Variants in NLRP7 observed in about 807,000 individuals in gnomAD.
NLRP7 encodes the protein NLR family pyrin domain containing 7, also known as NACHT, LRR and PYD domains-containing protein 7.
NLRP7 carries 72 observed loss-of-function variants against 85.5 expected under a neutral mutation model. The ratio of observed to expected loss-of-function variants is 0.84; its 90% CI spans 0.70 to 1.02. NLRP7 has a LOEUF of 1.02. NLRP7 is among the 50% of genes least tolerant of loss of function. The pLI, the probability that NLRP7 is intolerant of heterozygous loss-of-function variation, is 0.00. For missense variants in NLRP7, 1,243 were observed against 1,219.5 expected, an observed-to-expected ratio of 1.02 and a Z score of -0.29; for synonymous variants, 550 against 505.2, an observed-to-expected ratio of 1.09 and a Z score of -1.19.
intron 1 of NLRP7, among the ~76,000 whole-genome samples, chr19:54,964,309 C>T (rs1472815155): frequency 1.4e-5 from 2 of 144,454 alleles, no homozygotes; most frequent in African/African-American, 2.6e-5. Flanking sequence ...CTCCGCCTCC[C>T]GGGTTCACGC....
chr19:54,954,030 AT>A (rs2069766771), intron 1 of NLRP7, among the ~76,000 whole-genome samples: 16 of 148,862 alleles, frequency 1.1e-4, no homozygotes, highest in Non-Finnish European at 1.3e-4. Context: ...ATAAATAAAA[AT>A]AAATAAAGCA....
chr19:54,934,557 G>A lies in NLRP7; in HGVS notation c.2403C>T (p.Leu801=). ...ACAGCAACATGGCACCCTCATCCAGGAGCACATTGGCTGAGAGACGCAGGT... is the reference window on the plus strand; with the variant it reads ...ACAGCAACATGGCACCCTCATCCAGAAGCACATTGGCTGAGAGACGCAGGT... Residue 801 remains leucine (L), a synonymous_variant, in exon 7 of 10, where the codon CTC becomes CTT. Coordinates refer to ENST00000340844, the Ensembl canonical transcript of NLRP7. The surrounding 1 kb of genome is among the most constrained non-coding windows in gnomAD (Gnocchi z 6.7). 1 of 1,614,054 alleles carries A rather than the reference G, an allele frequency of 6.2e-7. No individual in the cohort carries two copies. Among genetic ancestry groups the A allele is most frequent in the South Asian group, 1.1e-5 (1 of 91,082 alleles).
At chr19:54,937,069 C>T (rs750489471) in intron 5 of NLRP7, among the ~76,000 whole-genome samples, 2 of 150,506 alleles carry the variant, frequency 1.3e-5, no homozygotes. Flanking sequence ...TTACAAAAAA[C>T]TAGCCGGGCG....
At chr19:54,951,606 T>TA (rs199986694), upstream of NLRP7, among the ~76,000 whole-genome samples, 3,649 of 151,934 alleles carry the variant, frequency 0.024, 52 homozygotes, top group Middle Eastern at 0.041. Context: ...CCACTTTTAG[T>TA]AAAAAAAATA....
At chr19:54,952,349 T>C (rs1035396404), upstream of NLRP7, among the ~76,000 whole-genome samples, 1 of 151,784 alleles carries the variant, frequency 6.6e-6, no homozygotes, top group Admixed American at 6.6e-5. Context: ...CTCCAGCACT[T>C]TGGGAGGCCA....
At chr19:54,950,114 C>A (rs557609259), upstream of NLRP7, among the ~76,000 whole-genome samples, 33 of 150,984 alleles carry the variant, frequency 2.2e-4, no homozygotes, top group Admixed American at 1.9e-3. Flanking sequence ...AAAAAAAAAA[C>A]CAGGAAAGAG....
At chr19:54,936,239 G>C (rs187469976) in intron 6 of NLRP7, 22 bp downstream of exon 6, 1 of 1,608,480 alleles carries the variant, frequency 6.2e-7, no homozygotes. Flanking sequence ...GTGCTGGGGA[G>C]AGCCGTGACC....
intron 1 of NLRP7, among the ~76,000 whole-genome samples, chr19:54,958,541 A>T (rs1430039399): frequency 6.6e-6 from 1 of 152,120 alleles, no homozygotes; most frequent in African/African-American, 2.4e-5. Context: ...GCTACTCTGG[A>T]GGCTGAGGCA....
intron 5 of NLRP7, among the ~76,000 whole-genome samples, chr19:54,937,210 T>A (rs1159338821): frequency 2.1e-5 from 3 of 146,026 alleles, no homozygotes; most frequent in Non-Finnish European, 4.5e-5. Flanking sequence ...ATAGCGAGAC[T>A]GTCTCAAAAA....
intron 1 of NLRP7, among the ~76,000 whole-genome samples, chr19:54,943,549 G>A (rs186527623): frequency 9.3e-5 from 14 of 149,826 alleles, no homozygotes; most frequent in Admixed American, 4.0e-4. Flanking sequence ...TGCAGTGAGC[G>A]GAGATCGCGC....
At chr19:54,947,909 A>C, upstream of NLRP7, 2 of 255,010 alleles carry the variant, frequency 7.8e-6, no homozygotes, top group Non-Finnish European at 7.9e-6. Flanking sequence ...GAGGACAAAA[A>C]CTCCCGTGAC....
chr19:54,941,738 T>TA, exon 2 of NLRP7: 1 of 1,603,820 alleles, frequency 6.2e-7, no homozygotes, highest in African/African-American at 1.3e-5. Flanking sequence ...GACCTTAGGT[T>TA]AAGGCTGAAG....
At chr19:54,964,556 C>T (rs1332439461) in intron 1 of NLRP7, among the ~76,000 whole-genome samples, 1 of 151,648 alleles carries the variant, frequency 6.6e-6, no homozygotes, top group Non-Finnish European at 1.5e-5. Flanking sequence ...GGCACGGTGG[C>T]TCACGCCTGT....
At chr19:54,933,878 A>G in intron 7 of NLRP7, 139 bp from the exon 8 acceptor site, 2 of 765,966 alleles carry the variant, frequency 2.6e-6, no homozygotes, top group South Asian at 1.5e-5. Context: ...GGGAGTCATC[A>G]TGGCCACAAA....
At chr19:54,946,783 G>C (rs1280763579) in intron 1 of NLRP7, among the ~76,000 whole-genome samples, 1 of 152,064 alleles carries the variant, frequency 6.6e-6, no homozygotes, top group East Asian at 1.9e-4. Context: ...GGGATTACAG[G>C]CATGCACCAC....
At chr19:54,939,990 T>G (rs762835037) in exon 4 of NLRP7, 35 of 1,613,948 alleles carry the variant, frequency 2.2e-5, no homozygotes, top group Middle Eastern at 3.3e-4. Context: ...GGCACCGGCT[T>G]CTTCTTCTCC....
upstream of NLRP7, among the ~76,000 whole-genome samples, chr19:54,948,052 C>T (rs972763060): frequency 1.3e-5 from 2 of 152,122 alleles, no homozygotes; most frequent in African/African-American, 4.8e-5. Context: ...GCCTAGGCAA[C>T]ATAGCAAGAT....
intron 8 of NLRP7, among the ~76,000 whole-genome samples, chr19:54,931,413 G>A (rs559932471): frequency 6.6e-6 from 1 of 152,176 alleles, no homozygotes; most frequent in South Asian, 2.1e-4. Flanking sequence ...AAATTAGCTG[G>A]GCACGATGGC....
chr19:54,955,829 C>G (rs1001629102), intron 1 of NLRP7, among the ~76,000 whole-genome samples: 3 of 151,880 alleles, frequency 2.0e-5, no homozygotes, highest in Non-Finnish European at 2.9e-5. Context: ...AAGGGATTGT[C>G]GAGCCTCAGC....
Sources: allele counts gnomAD v4.1 joint callset (sites outside exome capture counted in the v4.1 genomes callset), GRCh38; gene constraint gnomAD v4.1.1; non-coding constraint Gnocchi (gnomAD v3.1); transcripts MANE v1.5; gene names NCBI Gene and HGNC (gene_info 2026-07-23, HGNC 2026-07-21).